The following NWD1 variants were observed in gnomAD, a reference collection of about 807,000 sequenced individuals.
NWD1 encodes the protein NACHT and WD repeat domain containing 1, also known as NACHT domain- and WD repeat-containing protein 1.
Under a neutral mutation model 135.1 loss-of-function variants are expected in NWD1, and 129 were observed. That is an observed-to-expected ratio of 0.96 (90% confidence interval 0.83 to 1.11). The LOEUF is 1.11. NWD1 is among the 50% of genes least tolerant of loss of function. The pLI, the probability that NWD1 is intolerant of heterozygous loss-of-function variation, is 0.00. For missense variants in NWD1, 1,740 were observed against 1,851.3 expected (o/e 0.94, Z 1.10); for synonymous variants, 773 against 786.0 (o/e 0.98, Z 0.28).
intron 9 of NWD1, among the ~76,000 whole-genome samples, chr19:16,764,819 G>A (rs770548765): frequency 3.3e-5 from 5 of 152,150 alleles, no homozygotes; most frequent in Middle Eastern, 3.2e-3. Context: ...TGGGGTGGGA[G>A]TGCTACTGGT....
At chr19:16,797,030 T>C (rs972604492) in intron 15 of NWD1, among the ~76,000 whole-genome samples, 10 of 151,670 alleles carry the variant, frequency 6.6e-5, no homozygotes, top group Admixed American at 5.3e-4. Flanking sequence ...AAATACAAAA[T>C]TTAGCCAGGC....
At chr19:16,743,209 C>T (rs947188428) in intron 4 of NWD1, among the ~76,000 whole-genome samples, 1 of 150,234 alleles carries the variant, frequency 6.7e-6, no homozygotes, top group Non-Finnish European at 1.5e-5. Context: ...CCTTGCCTGG[C>T]CCCATTATTT....
At chr19:16,802,725 G>A (rs1357890275) in intron 17 of NWD1, among the ~76,000 whole-genome samples, 1 of 152,052 alleles carries the variant, frequency 6.6e-6, no homozygotes, top group African/African-American at 2.4e-5. Context: ...CTGAGGCCGG[G>A]CCTGCTGGCT....
At chr19:16,792,175 A>G (rs1250459311) in intron 14 of NWD1, among the ~76,000 whole-genome samples, 1 of 152,190 alleles carries the variant, frequency 6.6e-6, no homozygotes, top group African/African-American at 2.4e-5. Flanking sequence ...GTTGCGCCAC[A>G]GAGGGACTAG....
At chr19:16,777,989 G>GGGGGAGGGAAGGGAAAGGGAAGGAA (rs1239493154) in intron 11 of NWD1, among the ~76,000 whole-genome samples, 1 of 124,782 alleles carries the variant, frequency 8.0e-6, no homozygotes, top group Non-Finnish European at 1.7e-5. Flanking sequence ...AATGGAGGAA[G>GGGGGAGGGAAGGGAAAGGGAAGGAA]GGGGAGGGAA....
At chr19:16,764,927 C>T in intron 9 of NWD1, 107 bp from the exon 10 acceptor site, 5 of 1,227,824 alleles carry the variant, frequency 4.1e-6, no homozygotes, top group Non-Finnish European at 5.7e-6. Flanking sequence ...GTCACTACTG[C>T]TGAGCCTGAG....
intron 4 of NWD1, among the ~76,000 whole-genome samples, chr19:16,743,627 A>G (rs1433470302): frequency 1.3e-5 from 2 of 152,084 alleles, no homozygotes; most frequent in Non-Finnish European, 2.9e-5. Context: ...TTGACATAAA[A>G]TTGATTAACA....
chr19:16,805,625 C>G (rs1286504085), intron 17 of NWD1, among the ~76,000 whole-genome samples: 1 of 152,158 alleles, frequency 6.6e-6, no homozygotes, highest in African/African-American at 2.4e-5. Flanking sequence ...AGCCACTGCA[C>G]CTGGCATCTC....
rs1021910052 is a variant in NWD1, at chr19:16,728,093, A to C, written c.-6-3099A>C. ...AAAATAAACCAAAAACTCAAAAAGG[A>C]GATATTAGATAATAGCATGCAGCTA... On this transcript the variant is annotated intron_variant, in intron 2 of 18. Coordinates refer to ENST00000524140, the MANE Select transcript of NWD1 (RefSeq NM_001007525.5). Among the ~76,000 whole-genome samples the C allele has an allele frequency of 2.0e-5, 3 of 151,910 alleles. No individual in the cohort carries two copies. In the Admixed American group the frequency reaches 2.0e-4, roughly 10 times the overall value.
At chr19:16,729,354 C>G (rs888291646) in intron 2 of NWD1, among the ~76,000 whole-genome samples, 1 of 152,004 alleles carries the variant, frequency 6.6e-6, no homozygotes, top group African/African-American at 2.4e-5. Context: ...TCCGGGAACC[C>G]ACAAGGCCCT....
chr19:16,727,835 T>G (rs969858719), intron 2 of NWD1, among the ~76,000 whole-genome samples: 2 of 151,758 alleles, frequency 1.3e-5, no homozygotes. Context: ...CTGAGGCGGG[T>G]GGATCACTTG....
intron 3 of NWD1, among the ~76,000 whole-genome samples, chr19:16,736,185 T>TTTCCTTCG (rs1426693187): frequency 0.058 from 1,562 of 27,128 alleles, 24 homozygotes; most frequent in African/African-American, 0.15. Context: ...TCTTTCCTTC[T>TTTCCTTCG]TTCCTTCTTT....
At chr19:16,791,691 T>C in intron 14 of NWD1, 69 bp downstream of exon 14, 1 of 1,461,648 alleles carries the variant, frequency 6.8e-7, no homozygotes. Context: ...TGCTAGAAGT[T>C]GGGAAAAATA....
At chr19:16,800,623 G>T (rs1970576160) in intron 17 of NWD1, among the ~76,000 whole-genome samples, 1 of 152,174 alleles carries the variant, frequency 6.6e-6, no homozygotes, top group Non-Finnish European at 1.5e-5. Flanking sequence ...GGAAGTTCCA[G>T]ATCAAAGTGC....
chr19:16,785,437 G>C (rs1970004175), intron 12 of NWD1, among the ~76,000 whole-genome samples: 1 of 151,762 alleles, frequency 6.6e-6, no homozygotes, highest in South Asian at 2.1e-4. Flanking sequence ...CTTGAATCCT[G>C]GAGTGGGAGG....
chr19:16,780,733 C>A (rs1016819188), intron 12 of NWD1, among the ~76,000 whole-genome samples: 1 of 152,028 alleles, frequency 6.6e-6, no homozygotes, highest in African/African-American at 2.4e-5. Flanking sequence ...TCTCAGCTCA[C>A]TGCACTCTCA....
At chr19:16,786,089 C>G (rs1970030765) in intron 12 of NWD1, among the ~76,000 whole-genome samples, 1 of 151,992 alleles carries the variant, frequency 6.6e-6, no homozygotes, top group Non-Finnish European at 1.5e-5. Context: ...AGTCTCGAAC[C>G]CCTGACCTCA....
chr19:16,813,978 T>C (rs1568402338), intron 18 of NWD1, among the ~76,000 whole-genome samples: 1 of 151,366 alleles, frequency 6.6e-6, no homozygotes, highest in Non-Finnish European at 1.5e-5. Context: ...ATAGCGAGAC[T>C]CTGTCTCTAC....
chr19:16,754,937 C>A (rs1325988038), intron 6 of NWD1, among the ~76,000 whole-genome samples: 1 of 152,130 alleles, frequency 6.6e-6, no homozygotes, highest in Non-Finnish European at 1.5e-5. Flanking sequence ...CTATATATTT[C>A]TCTATGTCCC....
Sources: gnomAD v4.1 joint callset for allele counts (sites outside exome capture counted in the v4.1 genomes callset) on GRCh38, gnomAD v4.1.1 for gene constraint, MANE v1.5 for transcripts, NCBI Gene and HGNC (gene_info 2026-07-23, HGNC 2026-07-21) for gene names.